MAG: variants seen among roughly 807,000 people sequenced by gnomAD.
MAG encodes myelin associated glycoprotein.
MAG carries 30 observed loss-of-function variants against 60.7 expected under a neutral mutation model. That is an observed-to-expected ratio of 0.49 (90% confidence interval 0.37 to 0.67). The LOEUF is 0.67. Ranked by LOEUF, MAG falls within the 30% of genes least tolerant of loss-of-function variation. The pLI is 0.00. For missense variants in MAG, 795 were observed against 851.7 expected (o/e 0.93, Z 0.83); for synonymous variants, 384 against 376.8 (o/e 1.02, Z -0.22).
Position 35,295,243 on chromosome 19 carries a change from T to A in MAG, c.-23-143T>A, listed in dbSNP as rs952520207. On this transcript the variant is annotated intron_variant, in intron 2 of 10. Coordinates refer to ENST00000392213, the MANE Select transcript of MAG (RefSeq NM_002361.4). This position sits in a 1 kb window ranked among gnomAD's most constrained non-coding sequence, Gnocchi z 5.8. ...GCCCGGGCAATGAAACAAGACCCTG[T>A]CTCAGAAAAATAAGTAAATAAATGC... The A allele has an allele frequency of 1.8e-5, 13 of 739,534 alleles. No homozygotes were observed. The African/African-American group carries it at 2.3e-4, about 13-fold the overall frequency. The allele number at this position is 739,534 out of a possible 1,614,324, so 45.8% of individuals were successfully genotyped here. A position where few individuals can be genotyped will look rare whatever the true frequency, so the allele number is the denominator to read the frequency against.
chr19:35,313,655 G>A lies in MAG; in HGVS notation c.*201G>A, dbSNP rs1205556233. On this transcript the variant is annotated 3_prime_UTR_variant, in exon 11 of 11. Coordinates refer to ENST00000392213, the MANE Select transcript of MAG (RefSeq NM_002361.4). ...GCCAGCACCCCCACGCCCTCATTACGGCTCCTCTCTAACCTCCTTTACCCT... is the reference window on the plus strand; with the variant it reads ...GCCAGCACCCCCACGCCCTCATTACAGCTCCTCTCTAACCTCCTTTACCCT... 3 of 567,944 alleles carry A rather than the reference G, an allele frequency of 5.3e-6. No individual in the cohort carries two copies. The highest frequency in any genetic ancestry group is 6.2e-5 in the Admixed American group (2 of 32,276). 35.2% of individuals were successfully genotyped at this position (567,944 alleles called of 1,614,324 possible). A position where few individuals can be genotyped will look rare whatever the true frequency, so the allele number is the denominator to read the frequency against.
intron 4 of MAG, among the ~76,000 whole-genome samples, chr19:35,298,722 CCA>C (rs2066422347): frequency 1.3e-5 from 2 of 149,034 alleles, no homozygotes; most frequent in Admixed American, 6.7e-5. Flanking sequence ...ACAAACCACA[CCA>C]CACACACACC....
At position 35,299,651 on chromosome 19, in the gene MAG, G is replaced by T. The variant is rs200640485; in HGVS notation, c.513G>T (p.Glu171Asp). 98 of 1,608,638 alleles carry T rather than the reference G, an allele frequency of 6.1e-5. 1 individual carries two copies. In the South Asian group the frequency reaches 8.8e-4, roughly 14 times the overall value. The change falls in exon 5 of 11, where the codon GAG becomes GAT. Residue 171 changes from glutamate (E) to aspartate (D), a missense_variant. Coordinates refer to ENST00000392213, the MANE Select transcript of MAG (RefSeq NM_002361.4). ...VPDNCPELRP[E>D]LSWLGHEGLG... ...ACAACTGCCCAGAGCTGCGCCCTGA[G>T]CTGAGCTGGCTGGGCCACGAGGGGC...
intron 10 of MAG, chr19:35,312,401 T>G: frequency 7.4e-7 from 1 of 1,345,452 alleles, no homozygotes; most frequent in African/African-American, 1.4e-5. Context: ...TGTCCGTGTG[T>G]CCCTGTCAGG....
At chr19:35,303,875 C>A (rs2066465913) in intron 7 of MAG, among the ~76,000 whole-genome samples, 1 of 152,086 alleles carries the variant, frequency 6.6e-6, no homozygotes, top group African/African-American at 2.4e-5. Context: ...TAAGCAATTC[C>A]CTCTGGAATA....
At chr19:35,305,067 C>T (rs2066474088) in intron 7 of MAG, among the ~76,000 whole-genome samples, 1 of 152,184 alleles carries the variant, frequency 6.6e-6, no homozygotes, top group Non-Finnish European at 1.5e-5. Context: ...TCCGGCTTCT[C>T]TTGAAAACGA....
chr19:35,307,958 G>T (rs370664156), intron 7 of MAG, among the ~76,000 whole-genome samples: 1 of 152,148 alleles, frequency 6.6e-6, no homozygotes, highest in Non-Finnish European at 1.5e-5. Context: ...CAGAAAGGAG[G>T]GGATAGTCTA....
intron 6 of MAG, 91 bp from the exon 7 acceptor site, chr19:35,302,357 G>C: frequency 6.7e-7 from 1 of 1,499,108 alleles, no homozygotes; most frequent in African/African-American, 1.4e-5. Flanking sequence ...TAGGTTTGGG[G>C]TGGGATCTGG....
chr19:35,295,821 C>T lies in MAG; in HGVS notation c.255C>T (p.Phe85=). ...GCACCCAAGTAGTCCACGAGAGCTT[C>T]CAGGGCCGCAGCCGCCTCCTGGGGG... is the stretch of plus-strand genomic sequence containing the variant. ...KSRTQVVHES[F]QGRSRLLGDL... Residue 85 remains phenylalanine (F), a synonymous_variant, in exon 4 of 11, where the codon TTC becomes TTT. Transcript: ENST00000392213. This position sits in a 1 kb window ranked among gnomAD's most constrained non-coding sequence, Gnocchi z 5.8. 2.5e-6 allele frequency: 4 copies of T among 1,613,970 alleles called. No individual in the cohort carries two copies. The highest frequency in any genetic ancestry group is 3.4e-6 in the Non-Finnish European group (4 of 1,180,024).
At chr19:35,312,441 C>T in intron 10 of MAG, 1 of 969,874 alleles carries the variant, frequency 1.0e-6, no homozygotes, top group Non-Finnish European at 1.6e-6. Flanking sequence ...GATGTCCGGG[C>T]CTGCCCGGCA....
At position 35,313,500 on chromosome 19, in the gene MAG, G is replaced by A. The variant is rs754314325; in HGVS notation, c.*46G>A. The A allele has an allele frequency of 3.2e-6, 5 of 1,545,158 alleles. No individual in the cohort carries two copies. The highest frequency in any genetic ancestry group is 3.5e-6 in the Non-Finnish European group (4 of 1,146,846). On this transcript the variant is annotated 3_prime_UTR_variant, in exon 11 of 11. Coordinates refer to ENST00000392213, the MANE Select transcript of MAG (RefSeq NM_002361.4). The stretch of plus-strand genomic sequence containing the variant: ...GTGGCTGACCCCCCTCAGGACCCTC[G>A]CTGGCCCCCACTGGCTGTGGGCTCC...
intron 4 of MAG, among the ~76,000 whole-genome samples, chr19:35,299,115 C>G (rs2066426583): frequency 6.6e-6 from 1 of 152,110 alleles, no homozygotes. Context: ...ACCAAGCAGG[C>G]ATGGGAGAGG....
At position 35,300,276 on chromosome 19, in the gene MAG, G is replaced by C. The variant is rs778233016; in HGVS notation, c.842G>C (p.Arg281Pro). 1.9e-6 allele frequency: 3 copies of C among 1,598,898 alleles called. No individual in the cohort carries two copies. Among genetic ancestry groups the C allele is most frequent in the East Asian group, 2.2e-5 (1 of 44,656 alleles). Residue 281 changes from arginine to proline, a missense_variant, in exon 6 of 11, where the codon CGG (arginine) becomes CCG (proline). Coordinates refer to ENST00000392213, the MANE Select transcript of MAG (RefSeq NM_002361.4). ...TGGATGCGGGACGGGACAGTCCTCC[G>C]GGAGGCGGTGGCCGAGAGCCTGCTC... ...LTWMRDGTVL[R>P]EAVAESLLLE...
chr19:35,310,912 A>G (rs1212723196), intron 9 of MAG, among the ~76,000 whole-genome samples: 1 of 152,114 alleles, frequency 6.6e-6, no homozygotes, highest in African/African-American at 2.4e-5. Flanking sequence ...CAGCCTCCCT[A>G]TCTCTAGGAA....
chr19:35,300,136 G>T lies in MAG; in HGVS notation c.713-11G>T. On this transcript the variant is annotated splice_polypyrimidine_tract_variant and intron_variant, in intron 5 of 10. Transcript: ENST00000392213. ...ACCTGCTCACTAACCTCGCTGTGTC[G>T]CGGGCCTTAGACCCCCCGGTGATTG... The T allele has an allele frequency of 6.6e-7, 1 of 1,518,898 alleles. No homozygotes were observed. The highest frequency in any genetic ancestry group is 8.8e-7 in the Non-Finnish European group (1 of 1,131,214). 94.1% of individuals were successfully genotyped at this position (1,518,898 alleles called of 1,614,324 possible). A position where few individuals can be genotyped will look rare whatever the true frequency, so the allele number is the denominator to read the frequency against.
intron 7 of MAG, 65 bp downstream of exon 7, chr19:35,302,773 T>A: frequency 6.3e-7 from 1 of 1,578,252 alleles, no homozygotes; most frequent in Non-Finnish European, 8.6e-7. Context: ...AGGGTTACTG[T>A]GGGTGCCCAC....
intron 2 of MAG, among the ~76,000 whole-genome samples, chr19:35,294,759 A>T (rs945531851): frequency 6.0e-5 from 9 of 150,200 alleles, no homozygotes; most frequent in Non-Finnish European, 1.2e-4. Context: ...TCCCATCTCT[A>T]AAAAAAATAA....
rs563595328 is a variant in MAG at position 35,293,791 on chromosome 19, G to A, written c.-79-444G>A. On this transcript the variant is annotated intron_variant, in intron 1 of 10. Transcript: ENST00000392213. This position sits in a 1 kb window ranked among gnomAD's most constrained non-coding sequence, Gnocchi z 4.0. ...CGAGGGAACAGGACTCTTTTGTACC[G>A]GGGACCAGCTTCTGGTGAGGGTGCG... Among the ~76,000 whole-genome samples, 27 of 152,166 alleles carry A rather than the reference G, an allele frequency of 1.8e-4. No homozygotes were observed. In the South Asian group the frequency reaches 2.5e-3, roughly 14 times the overall value.
At chr19:35,305,214 G>A (rs926971275) in intron 7 of MAG, among the ~76,000 whole-genome samples, 3 of 152,080 alleles carry the variant, frequency 2.0e-5, no homozygotes, top group Non-Finnish European at 2.9e-5. Context: ...TGGAGAGTGC[G>A]ACCCTCAGGC....
Sources: allele counts gnomAD v4.1 joint callset (sites outside exome capture counted in the v4.1 genomes callset), GRCh38; gene constraint gnomAD v4.1.1; non-coding constraint Gnocchi (gnomAD v3.1); transcripts MANE v1.5; gene names NCBI Gene and HGNC (gene_info 2026-07-23, HGNC 2026-07-21).